Variants in PDCL3 observed in about 807,000 individuals in gnomAD.
The protein encoded by PDCL3 is phosducin like 3.
PDCL3 carries 22 observed loss-of-function variants against 26.5 expected under a neutral mutation model. That is an observed-to-expected ratio of 0.83 (90% confidence interval 0.59 to 1.19). The LOEUF is 1.19. Among genes scored for constraint, PDCL3 ranks in the 50% most tolerant of loss-of-function variants. The pLI, the probability that PDCL3 is intolerant of heterozygous loss-of-function variation, is 0.00. For synonymous variants in PDCL3, 81 were observed against 104.9 expected (o/e 0.77, Z 1.39); for missense variants, 246 against 294.1 (o/e 0.84, Z 1.20).
intron 4 of PDCL3, among the ~76,000 whole-genome samples, 156 bp downstream of exon 4, chr2:100,569,877 C>T (rs1308065630): frequency 6.6e-6 from 1 of 152,092 alleles, no homozygotes; most frequent in Non-Finnish European, 1.5e-5. Context: ...GAGGCTGAGG[C>T]AGGTGGATCA....
intron 1 of PDCL3, 103 bp downstream of exon 1, chr2:100,563,176 C>A (rs1674983342): frequency 1.4e-6 from 2 of 1,436,762 alleles, no homozygotes. Context: ...GCTCCGGCGC[C>A]GCAGGCACGA....
chr2:100,571,357 G>A (rs138253358), intron 4 of PDCL3, among the ~76,000 whole-genome samples: 38 of 151,996 alleles, frequency 2.5e-4, no homozygotes, highest in Middle Eastern at 3.2e-3. Context: ...GTGCTACTTG[G>A]GGGGCTGAGG....
chr2:100,574,493 A>G lies in PDCL3; in HGVS notation c.578-1861A>G, dbSNP rs567241213. 4.6e-5 allele frequency among the ~76,000 whole-genome samples: 7 copies of G among 152,206 alleles called. No homozygotes were observed. In the South Asian group the frequency reaches 1.5e-3, roughly 32 times the overall value. On this transcript the variant is annotated intron_variant, in intron 5 of 5. Transcript: ENST00000264254. ...GAGGTATGATGACCAAAACAATTGA[A>G]TATATTTAAGATATACAACATGGAG...
chr2:100,567,811 G>A (rs1675085162), intron 2 of PDCL3, among the ~76,000 whole-genome samples: 2 of 151,812 alleles, frequency 1.3e-5, no homozygotes, highest in African/African-American at 4.8e-5. Flanking sequence ...AAACAGAAGA[G>A]TGACATTTTC....
In PDCL3 at chr2:100,572,899, T is replaced by G. The variant is rs7560266; in HGVS notation, c.577+1101T>G. On this transcript the variant is annotated intron_variant, in intron 5 of 5. Transcript: ENST00000264254. ...GTGGTTTTTGTTTGATTGTTTGTTT[T>G]TTTGAGATGGAGTTTTGCTCTTTCG... is the stretch of plus-strand genomic sequence containing the variant. Among the ~76,000 whole-genome samples, 230 of 152,134 alleles carry G rather than the reference T, an allele frequency of 1.5e-3. 1 individual carries two copies. Among genetic ancestry groups the G allele is most frequent in the Admixed American group, 1.6e-3 (24 of 15,264 alleles).
intron 1 of PDCL3, 83 bp downstream of exon 1, chr2:100,563,156 C>T (rs1674982549): frequency 1.3e-6 from 2 of 1,498,428 alleles, no homozygotes; most frequent in Admixed American, 2.3e-5. Flanking sequence ...GGACGCCCGC[C>T]CTGGGGGAAG....
rs372336455 is a variant in PDCL3, at chr2:100,563,063, A to G, written c.-5A>G. On this transcript the variant is annotated 5_prime_UTR_variant, in exon 1 of 6. Coordinates refer to ENST00000264254, the MANE Select transcript of PDCL3 (RefSeq NM_024065.5). ...GCTGGTTTGAGCAACTGAACTGGAA[A>G]CAAGATGCAGGTGAGCTAGGACGGG... 3 of 1,604,900 alleles carry G rather than the reference A, an allele frequency of 1.9e-6. No homozygotes were observed. Among genetic ancestry groups the G allele is most frequent in the Admixed American group, 1.7e-5 (1 of 58,714 alleles).
At chr2:100,571,444 A>T in intron 4 of PDCL3, 146 bp from the exon 5 acceptor site, 1 of 761,448 alleles carries the variant, frequency 1.3e-6, no homozygotes. Flanking sequence ...CCTATGTCAA[A>T]AAAAACATGT....
In PDCL3 at chr2:100,571,778, G is replaced by A. The variant is rs868199242; in HGVS notation, c.557G>A (p.Gly186Asp). 1 of 1,614,134 alleles carries A rather than the reference G, an allele frequency of 6.2e-7. No homozygotes were observed. The highest frequency in any genetic ancestry group is 8.5e-7 in the Non-Finnish European group (1 of 1,180,034). The change falls in exon 5 of 6, where the codon GGC becomes GAC. Residue 186 changes from glycine to aspartate, a missense_variant. Coordinates refer to ENST00000264254, the MANE Select transcript of PDCL3 (RefSeq NM_024065.5). ...AQFIGPLVFGGMNLTRDELEW... is the reference protein window; with the variant it reads ...AQFIGPLVFGDMNLTRDELEW... ...TTTATTGGTCCTCTGGTGTTTGGCG[G>A]CATGAACCTGACAAGAGATGGTAAG...
rs552485224 is a variant in PDCL3 at position 100,566,767 on chromosome 2, C to T, written c.133+138C>T. 3,447 of 1,246,440 alleles carry T rather than the reference C, an allele frequency of 2.8e-3. 6 individuals carry two copies. The highest frequency in any genetic ancestry group is 3.5e-3 in the Non-Finnish European group (3,124 of 900,542). 77.2% of individuals were successfully genotyped at this position (1,246,440 alleles called of 1,614,324 possible). On this transcript the variant is annotated intron_variant, in intron 2 of 5. Coordinates refer to ENST00000264254, the MANE Select transcript of PDCL3 (RefSeq NM_024065.5). The stretch of plus-strand genomic sequence containing the variant: ...GTGGGACCTCAGACAAAACACAGGG[C>T]GTCTCTCACCTTCACCTTCCTGAGC...
At position 100,563,046 on chromosome 2, in the gene PDCL3, G is replaced by C. The variant is rs764233520; in HGVS notation, c.-22G>C. On this transcript the variant is annotated 5_prime_UTR_variant, in exon 1 of 6. Transcript: ENST00000264254. ...GGGGGCGCTGCGGCACAGCTGGTTTGAGCAACTGAACTGGAAACAAGATGC... is the reference window on the plus strand; with the variant it reads ...GGGGGCGCTGCGGCACAGCTGGTTTCAGCAACTGAACTGGAAACAAGATGC... 8.1e-6 allele frequency: 13 copies of C among 1,601,334 alleles called. No individual in the cohort carries two copies. In the East Asian group the frequency reaches 2.9e-4, roughly 36 times the overall value.
chr2:100,575,398 G>A (rs540833576), intron 5 of PDCL3, among the ~76,000 whole-genome samples: 26 of 152,334 alleles, frequency 1.7e-4, no homozygotes, highest in African/African-American at 6.3e-4. Context: ...GCCTCCCAAA[G>A]TGCTGGGATT....
rs148565630 is a variant in PDCL3 at position 100,566,561 on chromosome 2, C to G, written c.65C>G (p.Pro22Arg). The G allele has an allele frequency of 2.6e-5, 42 of 1,613,758 alleles. No individual in the cohort carries two copies. The highest frequency in any genetic ancestry group is 3.3e-4 in the Middle Eastern group (2 of 5,976). ...DILRKKGILP[P>R]KESLKELEEE... is the part of the protein sequence containing the mutation. ...TTACGCAAAAAGGGTATCTTACCCC[C>G]CAAGGAAAGTCTGAAAGAATTGGAA... Residue 22 changes from proline (P) to arginine (R), a missense_variant, in exon 2 of 6, where the codon CCC (proline) becomes CGC (arginine). Transcript: ENST00000264254.
chr2:100,572,054 T>C (rs781712668), intron 5 of PDCL3: 3 of 458,434 alleles, frequency 6.5e-6, no homozygotes, highest in South Asian at 5.4e-5. Context: ...GTGTGGAATA[T>C]ATTTTGTCTC....
chr2:100,571,823 G>A (rs1367041064), intron 5 of PDCL3, 25 bp downstream of exon 5: 1 of 1,609,740 alleles, frequency 6.2e-7, no homozygotes, highest in African/African-American at 1.3e-5. Flanking sequence ...AGACAGGCGG[G>A]GCAGTGAGAG....
intron 5 of PDCL3, among the ~76,000 whole-genome samples, chr2:100,573,368 G>A (rs1675215324): frequency 6.6e-6 from 1 of 151,862 alleles, no homozygotes; most frequent in Non-Finnish European, 1.5e-5. Flanking sequence ...TTTATATACT[G>A]TACCACTAAG....
At chr2:100,564,365 C>T (rs915110460) in intron 1 of PDCL3, among the ~76,000 whole-genome samples, 6 of 152,034 alleles carry the variant, frequency 3.9e-5, no homozygotes, top group East Asian at 1.9e-4. Context: ...GGCGCGACCT[C>T]GGCTCACTGC....
At chr2:100,575,226 C>T (rs1675256731) in intron 5 of PDCL3, among the ~76,000 whole-genome samples, 1 of 152,206 alleles carries the variant, frequency 6.6e-6, no homozygotes, top group Non-Finnish European at 1.5e-5. Context: ...AGCTCCGCCT[C>T]CCACGTTCAC....
At chr2:100,568,012 A>G (rs1181218371) in intron 2 of PDCL3, among the ~76,000 whole-genome samples, 2 of 151,970 alleles carry the variant, frequency 1.3e-5, no homozygotes, top group African/African-American at 4.8e-5. Context: ...ATGAGGTTTC[A>G]CCATGTTGGC....
Sources: gnomAD v4.1 joint callset for allele counts (sites outside exome capture counted in the v4.1 genomes callset) on GRCh38, gnomAD v4.1.1 for gene constraint, MANE v1.5 for transcripts, NCBI Gene and HGNC (gene_info 2026-07-23, HGNC 2026-07-21) for gene names.